The following RBFOX3 variants were observed in gnomAD, a reference collection of about 807,000 sequenced individuals.
RBFOX3 encodes RNA binding protein fox-1 homolog 3.
A neutral mutation model predicts 48.7 loss-of-function variants in RBFOX3; 17 were observed. The observed-to-expected ratio is 0.35, with a 90% CI of 0.24 to 0.52. RBFOX3 has a LOEUF of 0.52. Among genes scored for constraint, RBFOX3 ranks in the 20% least tolerant of loss-of-function variants. The pLI is 0.94. For missense variants in RBFOX3, 382 were observed against 497.5 expected, an observed-to-expected ratio of 0.77 and a Z score of 2.21; for synonymous variants, 212 against 209.5, an observed-to-expected ratio of 1.01 and a Z score of -0.10.
chr17:79,414,790 C>CT (rs1388335966), intron 2 of RBFOX3, among the ~76,000 whole-genome samples: 7 of 152,178 alleles, frequency 4.6e-5, no homozygotes, highest in East Asian at 1.9e-4. Context: ...CGCGAACAGG[C>CT]TCTGGTGAAA....
rs1194320830 is a variant in RBFOX3 at position 79,362,964 on chromosome 17, C to T, written c.-174-55140G>A. 6.6e-6 allele frequency among the ~76,000 whole-genome samples: 1 copy of T among 152,162 alleles called. No homozygotes were observed. Among genetic ancestry groups the T allele is most frequent in the Non-Finnish European group, 1.5e-5 (1 of 68,026 alleles). On this transcript the variant is annotated intron_variant, in intron 2 of 14. Transcript: ENST00000693108. This position sits in a 1 kb window ranked among gnomAD's most constrained non-coding sequence, Gnocchi z 4.2. ...GATGTCCTGTCCTGAGTCCAGGACC[C>T]CTCTAGGGTTGGAGCGGGGTAAGCC...
intron 4 of RBFOX3, among the ~76,000 whole-genome samples, chr17:79,187,214 G>A (rs1483042736): frequency 6.6e-6 from 1 of 152,202 alleles, no homozygotes; most frequent in Non-Finnish European, 1.5e-5. Context: ...AATTCCCAAG[G>A]TGGCAAGTGG....
At chr17:79,628,637 C>A in the RBFOX3 span, among the ~76,000 whole-genome samples, 1 of 152,174 alleles carries the variant, frequency 6.6e-6, no homozygotes, top group African/African-American at 2.4e-5. Flanking sequence ...TTGTAGCCAG[C>A]ACCTCTATCT....
chr17:79,575,536 G>C (rs1475401134), intron 1 of RBFOX3, among the ~76,000 whole-genome samples: 2 of 152,238 alleles, frequency 1.3e-5, no homozygotes, highest in African/African-American at 4.8e-5. Flanking sequence ...TTTGAATATA[G>C]TAGTGACAAG....
intron 4 of RBFOX3, among the ~76,000 whole-genome samples, chr17:79,145,192 C>T (rs1049139196): frequency 1.3e-5 from 2 of 152,200 alleles, no homozygotes; most frequent in African/African-American, 4.8e-5. Context: ...CATCATCGAG[C>T]TCAGCCAGGA....
In RBFOX3 at chr17:79,421,373, A is replaced by G. The variant is rs1234385306; in HGVS notation, c.-175+61081T>C. 6.6e-6 allele frequency among the ~76,000 whole-genome samples: 1 copy of G among 152,126 alleles called. No individual in the cohort carries two copies. Among genetic ancestry groups the G allele is most frequent in the Non-Finnish European group, 1.5e-5 (1 of 67,992 alleles). ...TGGTGTCAGAAGTGGGGCTGCTTGA[A>G]GTGGATGGCCCCCTCAATGTGGAAG... On this transcript the variant is annotated intron_variant, in intron 2 of 14. Coordinates refer to ENST00000693108, the MANE Select transcript of RBFOX3 (RefSeq NM_001350451.2). This position sits in a 1 kb window ranked among gnomAD's most constrained non-coding sequence, Gnocchi z 4.5.
At chr17:79,186,021 C>G (rs1353872050) in intron 4 of RBFOX3, among the ~76,000 whole-genome samples, 1 of 152,200 alleles carries the variant, frequency 6.6e-6, no homozygotes, top group East Asian at 1.9e-4. Context: ...GTTTCCTGGA[C>G]CCCTGAGCTC....
At chr17:79,491,235 T>C (rs1373529367) in intron 1 of RBFOX3, among the ~76,000 whole-genome samples, 4 of 143,164 alleles carry the variant, frequency 2.8e-5, no homozygotes, top group Admixed American at 2.2e-4. Flanking sequence ...GTAGGGGAAA[T>C]GTCATCTAGG....
intron 7 of RBFOX3, 66 bp downstream of exon 7, chr17:79,104,007 T>G (rs2076926036): frequency 1.4e-6 from 2 of 1,397,992 alleles, no homozygotes; most frequent in Non-Finnish European, 2.0e-6. Context: ...AAACGCACAT[T>G]TCACACGTTA....
At chr17:79,628,830 C>A in the RBFOX3 span, among the ~76,000 whole-genome samples, 1 of 152,176 alleles carries the variant, frequency 6.6e-6, no homozygotes, top group Admixed American at 6.5e-5. Flanking sequence ...TTCTATTATT[C>A]TTGTTTCACA....
chr17:79,184,118 TCC>T (rs10582741), intron 4 of RBFOX3, among the ~76,000 whole-genome samples: 152,324 of 152,330 alleles, frequency 1, 76,159 homozygotes, highest in Middle Eastern at 1. Flanking sequence ...GGTGATGTAA[TCC>T]GAGGGCATCT....
chr17:79,190,846 C>G (rs1347274186), intron 4 of RBFOX3, among the ~76,000 whole-genome samples: 1 of 152,186 alleles, frequency 6.6e-6, no homozygotes, highest in African/African-American at 2.4e-5. Flanking sequence ...AGGGAGGGGG[C>G]TGAGTGAGCA....
intron 2 of RBFOX3, among the ~76,000 whole-genome samples, chr17:79,455,828 A>ACCTGCTGCGG (rs1368089186): frequency 6.6e-6 from 1 of 152,038 alleles, no homozygotes; most frequent in Non-Finnish European, 1.5e-5. Flanking sequence ...CACCCTTGAC[A>ACCTGCTGCGG]CCTGCAGCGG....
At chr17:79,605,556 G>C (rs969167500) in intron 1 of RBFOX3, among the ~76,000 whole-genome samples, 1 of 152,122 alleles carries the variant, frequency 6.6e-6, no homozygotes. Flanking sequence ...GTAGGGAGAC[G>C]GCCAGGTACA....
intron 2 of RBFOX3, among the ~76,000 whole-genome samples, chr17:79,366,586 A>C (rs2057782473): frequency 6.6e-6 from 1 of 152,214 alleles, no homozygotes; most frequent in South Asian, 2.1e-4. Flanking sequence ...CGAGAGAGCC[A>C]GCCCAACGAG....
At chr17:79,460,218 G>A (rs1475260445) in intron 2 of RBFOX3, among the ~76,000 whole-genome samples, 1 of 152,112 alleles carries the variant, frequency 6.6e-6, no homozygotes, top group Non-Finnish European at 1.5e-5. Context: ...GAATACCACT[G>A]AATCGCACCC....
At chr17:79,409,428 G>C (rs1485282487) in intron 2 of RBFOX3, among the ~76,000 whole-genome samples, 1 of 152,234 alleles carries the variant, frequency 6.6e-6, no homozygotes, top group Non-Finnish European at 1.5e-5. Flanking sequence ...CTGCCACCCT[G>C]TTTTCCAGTG....
rs1047761842 is a variant in RBFOX3, at chr17:79,199,653, G to C, written c.-34+36113C>G. Among the ~76,000 whole-genome samples, 1 of 152,222 alleles carries C rather than the reference G, an allele frequency of 6.6e-6. No individual in the cohort carries two copies. ...AAGCTTTAATTAAACTCCAATAAAA[G>C]TGAGGCTCAGTCCCTTTGTTGCATG... On this transcript the variant is annotated intron_variant, in intron 4 of 14. Transcript: ENST00000693108. This position sits in a 1 kb window ranked among gnomAD's most constrained non-coding sequence, Gnocchi z 5.1.
chr17:79,579,007 C>G (rs2092954488), intron 1 of RBFOX3, among the ~76,000 whole-genome samples: 2 of 152,224 alleles, frequency 1.3e-5, no homozygotes, highest in South Asian at 4.1e-4. Flanking sequence ...CTCCTGCCCC[C>G]TCAACGTCCT....
Sources: allele counts gnomAD v4.1 joint callset (sites outside exome capture counted in the v4.1 genomes callset), GRCh38; gene constraint gnomAD v4.1.1; non-coding constraint Gnocchi (gnomAD v3.1); transcripts MANE v1.5; gene names NCBI Gene and HGNC (gene_info 2026-07-23, HGNC 2026-07-21).